SMAD7: variants seen among roughly 807,000 people sequenced by gnomAD.
The protein encoded by SMAD7 is SMAD family member 7, also known as MAD (mothers against decapentaplegic, Drosophila) homolog 7.
In SMAD7, 8 loss-of-function variants were observed where a neutral mutation model predicts 38.7. The observed-to-expected ratio is 0.21, with a 90% CI of 0.12 to 0.37. The LOEUF (loss-of-function observed/expected upper bound fraction) is 0.37, where lower values mean the gene tolerates loss of function less well. SMAD7 is among the 10% of genes least tolerant of loss of function. SMAD7 has a pLI of 1.00. For missense variants in SMAD7, 477 were observed against 577.9 expected, an observed-to-expected ratio of 0.83 and a Z score of 1.79; for synonymous variants, 327 against 265.1, an observed-to-expected ratio of 1.23 and a Z score of -2.27.
chr18:48,925,442 A>C (rs59381517), intron 3 of SMAD7, among the ~76,000 whole-genome samples: 140,849 of 151,112 alleles, frequency 0.93, 65,753 homozygotes, highest in East Asian at 0.99. Flanking sequence ...GCCCCCCCCC[A>C]ACCTTCCCCA....
At chr18:48,932,364 G>T (rs2070012593) in intron 3 of SMAD7, among the ~76,000 whole-genome samples, 1 of 152,200 alleles carries the variant, frequency 6.6e-6, no homozygotes, top group African/African-American at 2.4e-5. Context: ...TTCCTGTTGA[G>T]TGACAGTCGC....
At chr18:48,942,764 C>A in intron 2 of SMAD7, 1 of 1,412,558 alleles carries the variant, frequency 7.1e-7, no homozygotes. Flanking sequence ...GTCTGGGCTC[C>A]GGGCAGCCAG....
At chr18:48,923,512 G>T (rs1568297480) in intron 3 of SMAD7, among the ~76,000 whole-genome samples, 2 of 152,124 alleles carry the variant, frequency 1.3e-5, no homozygotes, top group African/African-American at 4.8e-5. Context: ...GCCAGTGTTG[G>T]ATGGAGGTGC....
At chr18:48,934,758 G>A (rs1204590781) in intron 3 of SMAD7, among the ~76,000 whole-genome samples, 3 of 151,306 alleles carry the variant, frequency 2.0e-5, no homozygotes, top group South Asian at 2.1e-4. Flanking sequence ...ACATGTTCTC[G>A]TGGGAGTGGA....
chr18:48,948,875 G>T (rs886445504), intron 1 of SMAD7, among the ~76,000 whole-genome samples: 1 of 152,268 alleles, frequency 6.6e-6, no homozygotes, highest in African/African-American at 2.4e-5. Flanking sequence ...CGGGGGACAC[G>T]GGGCTGCCCA....
At chr18:48,922,009 T>C in intron 3 of SMAD7, 99 bp from the exon 4 acceptor site, 1 of 924,768 alleles carries the variant, frequency 1.1e-6, no homozygotes, top group African/African-American at 1.6e-5. Flanking sequence ...CACCAGCTCA[T>C]CTCTCAGGAC....
chr18:48,942,406 C>A, intron 3 of SMAD7, 75 bp downstream of exon 3: 1 of 1,030,022 alleles, frequency 9.7e-7, no homozygotes, highest in East Asian at 2.4e-5. Context: ...GGCAGAAGGC[C>A]ACCCCCATTC....
chr18:48,920,927 T>C lies in SMAD7; in HGVS notation c.*445A>G. On this transcript the variant is annotated 3_prime_UTR_variant, in exon 4 of 4. Coordinates refer to ENST00000262158, the MANE Select transcript of SMAD7 (RefSeq NM_005904.4). ...GAGACACCGCTTGGGACTGCAAACCTCTCTGCTGGGGACATCCATAAGAGA... is the reference window on the plus strand; with the variant it reads ...GAGACACCGCTTGGGACTGCAAACCCCTCTGCTGGGGACATCCATAAGAGA... The C allele has an allele frequency of 6.1e-6, 1 of 163,114 alleles. No homozygotes were observed. The highest frequency in any genetic ancestry group is 1.3e-5 in the Non-Finnish European group (1 of 75,110). The allele number at this position is 163,114 out of a possible 1,614,324, so 10.1% of individuals were successfully genotyped here.
intron 3 of SMAD7, among the ~76,000 whole-genome samples, chr18:48,929,569 T>TCTCTCTCTCTCACACACACACACA (rs3082710): frequency 5.2e-5 from 6 of 114,626 alleles, no homozygotes; most frequent in East Asian, 2.7e-4. Context: ...TCTCTCTCTC[T>TCTCTCTCTCTCACACACACACACA]CACTCACACA....
chr18:48,939,104 G>A (rs977616073), intron 3 of SMAD7, among the ~76,000 whole-genome samples: 5 of 152,024 alleles, frequency 3.3e-5, no homozygotes, highest in African/African-American at 9.7e-5. Flanking sequence ...GCTCTCATGT[G>A]TTTGCGCACG....
intron 3 of SMAD7, chr18:48,930,180 C>T (rs559543130): frequency 1.3e-5 from 2 of 152,616 alleles, no homozygotes; most frequent in African/African-American, 4.8e-5. Context: ...CCGCACTGTA[C>T]TTAGAGGGAA....
At chr18:48,933,209 A>T (rs2070023620) in intron 3 of SMAD7, among the ~76,000 whole-genome samples, 2 of 152,090 alleles carry the variant, frequency 1.3e-5, no homozygotes, top group South Asian at 4.2e-4. Flanking sequence ...GAAGTGGATG[A>T]CTCAAGAGCT....
chr18:48,928,413 G>T (rs529936865), intron 3 of SMAD7, among the ~76,000 whole-genome samples: 112 of 152,316 alleles, frequency 7.4e-4, no homozygotes, highest in African/African-American at 2.6e-3. Context: ...AAGGAGGTTT[G>T]AGTCAGGTTT....
At chr18:48,940,820 A>G (rs1348065989) in intron 3 of SMAD7, among the ~76,000 whole-genome samples, 1 of 150,522 alleles carries the variant, frequency 6.6e-6, no homozygotes, top group African/African-American at 2.4e-5. Context: ...AAAAGAAAAA[A>G]AAAAAAAAGC....
chr18:48,928,129 C>T (rs1050300313), intron 3 of SMAD7, among the ~76,000 whole-genome samples: 1 of 152,198 alleles, frequency 6.6e-6, no homozygotes, highest in Admixed American at 6.5e-5. Flanking sequence ...GCTTTTTTGC[C>T]AGCAAGCTGC....
chr18:48,929,868 CCA>C (rs1467473664), intron 3 of SMAD7, among the ~76,000 whole-genome samples: 3 of 151,932 alleles, frequency 2.0e-5, no homozygotes, highest in African/African-American at 7.3e-5. Context: ...CAACTCCACT[CCA>C]GTTTCTAGAG....
rs3809922 is a variant in SMAD7 at position 48,921,759 on chromosome 18, G to A, written c.894C>T (p.Leu298=). Residue 298 remains leucine, a synonymous_variant, in exon 4 of 4, where the codon CTC becomes CTT. Coordinates refer to ENST00000262158, the MANE Select transcript of SMAD7 (RefSeq NM_005904.4). The surrounding 1 kb of genome is among the most constrained non-coding windows in gnomAD (Gnocchi z 6.4). ...TCTTGTTGTCCGAATTGAGCTGTCC[G>A]AGGCAAAAGCCATTCCCCTGAGGTA... ...YDLPQGNGFC[L]GQLNSDNKSQ... 0.01 allele frequency: 16,455 copies of A among 1,614,104 alleles called. 1,162 individuals are homozygous for A. The East Asian group carries it at 0.14, about 14-fold the overall frequency.
At chr18:48,931,206 T>C (rs1452792054) in intron 3 of SMAD7, among the ~76,000 whole-genome samples, 1 of 152,176 alleles carries the variant, frequency 6.6e-6, no homozygotes, top group Non-Finnish European at 1.5e-5. Context: ...AAGTTTCAGC[T>C]AGGGAAGATG....
chr18:48,942,136 G>A (rs2070147660), intron 3 of SMAD7, among the ~76,000 whole-genome samples: 1 of 152,176 alleles, frequency 6.6e-6, no homozygotes, highest in Non-Finnish European at 1.5e-5. Flanking sequence ...CAAAAAAAGA[G>A]CTCAAATGCA....
Sources: allele counts gnomAD v4.1 joint callset (sites outside exome capture counted in the v4.1 genomes callset), GRCh38; gene constraint gnomAD v4.1.1; non-coding constraint Gnocchi (gnomAD v3.1); transcripts MANE v1.5; gene names NCBI Gene and HGNC (gene_info 2026-07-23, HGNC 2026-07-21).